Variants in USP34 observed in about 807,000 individuals in gnomAD.
The protein encoded by USP34 is ubiquitin specific peptidase 34.
Under a neutral mutation model 460.3 loss-of-function variants are expected in USP34, and 70 were observed. The ratio of observed to expected loss-of-function variants is 0.15; its 90% confidence interval spans 0.13 to 0.19. USP34 has a LOEUF of 0.19. USP34 is among the 10% of genes least tolerant of loss of function. The pLI is 1.00. For missense variants in USP34, 3,985 were observed against 4,236.2 expected (o/e 0.94, Z 1.65); for synonymous variants, 1,647 against 1,405.3 (o/e 1.17, Z -3.85).
chr2:61,237,757 G>C (rs1290298956), intron 53 of USP34, among the ~76,000 whole-genome samples: 1 of 146,142 alleles, frequency 6.8e-6, no homozygotes, highest in Non-Finnish European at 1.5e-5. Context: ...TTTTTTTTTT[G>C]TAGAGATGGG....
chr2:61,300,562 C>A (rs1038832646), intron 29 of USP34, among the ~76,000 whole-genome samples: 1 of 150,050 alleles, frequency 6.7e-6, no homozygotes, highest in African/African-American at 2.4e-5. Context: ...CTTTGGGAGG[C>A]TGACATGGGT....
At chr2:61,397,156 ACT>A (rs2103908870) in intron 3 of USP34, among the ~76,000 whole-genome samples, 1 of 152,250 alleles carries the variant, frequency 6.6e-6, no homozygotes, top group Non-Finnish European at 1.5e-5. Context: ...AATTTTTCAC[ACT>A]GAGGCCGGGC....
At chr2:61,353,964 C>G (rs1259112107) in intron 10 of USP34, among the ~76,000 whole-genome samples, 1 of 152,072 alleles carries the variant, frequency 6.6e-6, no homozygotes, top group Non-Finnish European at 1.5e-5. Context: ...AGTAGGACAA[C>G]TGAAATTATC....
chr2:61,463,634 G>A (rs967127346), intron 1 of USP34, among the ~76,000 whole-genome samples: 1 of 152,124 alleles, frequency 6.6e-6, no homozygotes, highest in Non-Finnish European at 1.5e-5. Context: ...AGGAATTCAA[G>A]ACCATCCTGG....
Position 61,281,078 on chromosome 2 carries a change from G to A in USP34, c.5151+12C>T. 1.9e-6 allele frequency: 3 copies of A among 1,611,878 alleles called. No individual in the cohort carries two copies. The highest frequency in any genetic ancestry group is 2.5e-6 in the Non-Finnish European group (3 of 1,178,798). On this transcript the variant is annotated intron_variant, in intron 38 of 79. Transcript: ENST00000398571. ...AAAATAGAAACTGCTTCTAAACACA[G>A]TAAAATCTTACCCTAATAGGTTTGA... is the stretch of plus-strand genomic sequence containing the variant.
chr2:61,244,044 A>G (rs990586675), intron 51 of USP34, among the ~76,000 whole-genome samples: 1 of 152,138 alleles, frequency 6.6e-6, no homozygotes, highest in African/African-American at 2.4e-5. Context: ...GAGAAGCAAT[A>G]AGGAAGCCCT....
chr2:61,259,131 C>A (rs1355221625), intron 44 of USP34, among the ~76,000 whole-genome samples: 2 of 151,750 alleles, frequency 1.3e-5, no homozygotes, highest in Non-Finnish European at 1.5e-5. Context: ...TGGTGGTGTG[C>A]GCCTGTAGTC....
chr2:61,384,164 T>C (rs1430576042), intron 5 of USP34, among the ~76,000 whole-genome samples: 1 of 152,246 alleles, frequency 6.6e-6, no homozygotes, highest in African/African-American at 2.4e-5. Flanking sequence ...CTAAGTTTAC[T>C]ATAAGTAACT....
Position 61,188,530 on chromosome 2 carries a change from G to C in USP34, c.10213C>G (p.Pro3405Ala). ...IIDPGTEQDL[P>A]SPENSSVKEY... ...TTAACAGAACTATTTTCAGGGGAAGGAAGATCTTGCTCAGTTCCTGGATCA... is the reference window on the plus strand; with the variant it reads ...TTAACAGAACTATTTTCAGGGGAAGCAAGATCTTGCTCAGTTCCTGGATCA... Residue 3405 changes from proline to alanine, a missense_variant, in exon 80 of 80, where the codon CCT (proline) becomes GCT (alanine). By Grantham distance (27) the Pro-to-Ala change is conservative (BLOSUM62 -1). This residue lies in a region of USP34 where 506 missense variants were observed against 439.0 expected (regional missense o/e 1.15). Transcript: ENST00000398571. The C allele has an allele frequency of 6.2e-7, 1 of 1,614,204 alleles. No homozygotes were observed. The highest frequency in any genetic ancestry group is 8.5e-7 in the Non-Finnish European group (1 of 1,180,040).
At chr2:61,385,671 C>CAAAAAAAA (rs61200102) in intron 5 of USP34, among the ~76,000 whole-genome samples, 4 of 46,002 alleles carry the variant, frequency 8.7e-5, no homozygotes, top group African/African-American at 1.9e-4. Flanking sequence ...GACTCTGTCT[C>CAAAAAAAA]AAAAAAAAAA....
At chr2:61,218,946 C>A (rs1351690989) in intron 67 of USP34, among the ~76,000 whole-genome samples, 1 of 152,110 alleles carries the variant, frequency 6.6e-6, no homozygotes, top group Non-Finnish European at 1.5e-5. Flanking sequence ...TCCTCCACAC[C>A]CCATTCCTTG....
At chr2:61,308,275 A>C (rs1365225160) in intron 27 of USP34, among the ~76,000 whole-genome samples, 1 of 152,146 alleles carries the variant, frequency 6.6e-6, no homozygotes, top group Non-Finnish European at 1.5e-5. Context: ...AAAATTCAAC[A>C]ATTAAGAAAA....
chr2:61,190,684 C>CTT (rs1686611871), intron 76 of USP34, 26 bp from the exon 77 acceptor site: 2 of 1,599,338 alleles, frequency 1.3e-6, no homozygotes, highest in Non-Finnish European at 1.7e-6. Context: ...GATGGTTGAG[C>CTT]ACTTACGGTT....
intron 8 of USP34, among the ~76,000 whole-genome samples, chr2:61,372,663 G>A (rs1692663939): frequency 1.3e-5 from 2 of 152,112 alleles, no homozygotes; most frequent in Non-Finnish European, 2.9e-5. Context: ...AGGCATAATC[G>A]TGCTGTTGCT....
intron 66 of USP34, 141 bp from the exon 67 acceptor site, chr2:61,220,598 T>C: frequency 3.8e-6 from 3 of 786,588 alleles, no homozygotes; most frequent in Non-Finnish European, 5.4e-6. Flanking sequence ...ACCCTATTTT[T>C]TTCCCATTTT....
At chr2:61,334,323 T>A (rs1177906151) in intron 18 of USP34, among the ~76,000 whole-genome samples, 2 of 152,118 alleles carry the variant, frequency 1.3e-5, no homozygotes, top group East Asian at 3.8e-4. Context: ...AAATTGAGAA[T>A]CATGACCTTA....
chr2:61,197,402 G>A (rs957787073), intron 75 of USP34, among the ~76,000 whole-genome samples: 1 of 152,128 alleles, frequency 6.6e-6, no homozygotes, highest in African/African-American at 2.4e-5. Context: ...AGGAAATTAG[G>A]CTCACAGAGA....
At chr2:61,460,951 C>T (rs535241997) in intron 1 of USP34, among the ~76,000 whole-genome samples, 6 of 148,548 alleles carry the variant, frequency 4.0e-5, no homozygotes, top group Non-Finnish European at 8.9e-5. Flanking sequence ...CACTGCACTC[C>T]ACCCTGGCAA....
chr2:61,321,339 C>G (rs1459651321), intron 21 of USP34, among the ~76,000 whole-genome samples: 1 of 151,704 alleles, frequency 6.6e-6, no homozygotes, highest in African/African-American at 2.4e-5. Flanking sequence ...GGTGTGGTGG[C>G]ACATGCCTGT....
Sources: gnomAD v4.1 joint callset for allele counts (sites outside exome capture counted in the v4.1 genomes callset) on GRCh38, gnomAD v4.1.1 for gene constraint, gnomAD v4.1.1 regional missense constraint, MANE v1.5 for transcripts, NCBI Gene and HGNC (gene_info 2026-07-23, HGNC 2026-07-21) for gene names.